BCL2A1: variants seen among roughly 807,000 people sequenced by gnomAD.
The protein encoded by BCL2A1 is BCL2 related protein A1, also known as bcl-2-related protein A1.
In BCL2A1, 10 loss-of-function variants were observed where a neutral mutation model predicts 14.4. The ratio of observed to expected loss-of-function variants is 0.69; its 90% CI spans 0.43 to 1.18. BCL2A1 has a LOEUF of 1.18. Among genes scored for constraint, BCL2A1 ranks in the 50% most tolerant of loss-of-function variants. BCL2A1 has a pLI of 0.00. For missense variants in BCL2A1, 158 were observed against 205.0 expected (o/e 0.77, Z 1.40); for synonymous variants, 71 against 76.5 (o/e 0.93, Z 0.38).
chr15:79,968,199 T>TAAGC lies in BCL2A1; in HGVS notation c.420+2500_420+2501insGCTT, dbSNP rs1350629619. 7.2e-5 allele frequency among the ~76,000 whole-genome samples: 11 copies of TAAGC among 152,344 alleles called. No individual in the cohort carries two copies. In the East Asian group the frequency reaches 2.1e-3, roughly 29 times the overall value. Reference sequence around the variant, plus strand: ...TTATTCACTGTCTGTGTGCTCCAAGTATTATGCTAAGCGTTGGAAATACAA... The same window carrying TAAGC: ...TTATTCACTGTCTGTGTGCTCCAAGTAAGCATTATGCTAAGCGTTGGAAATACAA... On this transcript the variant is annotated intron_variant, in intron 1 of 1. Coordinates refer to ENST00000267953, the MANE Select transcript of BCL2A1 (RefSeq NM_004049.4).
rs977881399 is a variant in BCL2A1, at chr15:79,970,081, A to T, written c.420+619T>A. Among the ~76,000 whole-genome samples the T allele has an allele frequency of 3.3e-5, 5 of 152,250 alleles. No homozygotes were observed. The South Asian group carries it at 1.0e-3, about 32-fold the overall frequency. ...TCTTGAATAAAGGTTCTTGCTGGTC[A>T]TACAGTATATTATGTTTTAATCAAC... On this transcript the variant is annotated intron_variant, in intron 1 of 1. Transcript: ENST00000267953.
intron 1 of BCL2A1, among the ~76,000 whole-genome samples, chr15:79,964,159 T>G (rs2035515959): frequency 6.6e-6 from 1 of 152,158 alleles, no homozygotes; most frequent in African/African-American, 2.4e-5. Flanking sequence ...CTATCAGTAA[T>G]GTAGTAGTAA....
At chr15:79,965,559 A>C (rs2035533656) in intron 1 of BCL2A1, among the ~76,000 whole-genome samples, 1 of 152,144 alleles carries the variant, frequency 6.6e-6, no homozygotes, top group Non-Finnish European at 1.5e-5. Flanking sequence ...CTAGATGCAC[A>C]GGGTATTACA....
chr15:79,966,375 C>T (rs1022749775), intron 1 of BCL2A1, among the ~76,000 whole-genome samples: 1 of 152,092 alleles, frequency 6.6e-6, no homozygotes, highest in Non-Finnish European at 1.5e-5. Flanking sequence ...AGTGTTGGTT[C>T]GTTGAATCAT....
At chr15:79,970,533 T>C (rs1437675066) in intron 1 of BCL2A1, among the ~76,000 whole-genome samples, 167 bp downstream of exon 1, 1 of 152,228 alleles carries the variant, frequency 6.6e-6, no homozygotes, top group African/African-American at 2.4e-5. Context: ...CAAGGATTCA[T>C]TGGAAATAAG....
chr15:79,966,979 A>T (rs1596126926), intron 1 of BCL2A1, among the ~76,000 whole-genome samples: 1 of 152,168 alleles, frequency 6.6e-6, no homozygotes, highest in East Asian at 1.9e-4. Context: ...ACTTGTATTG[A>T]GTACTCATTT....
At position 79,960,997 on chromosome 15, in the gene BCL2A1, G is replaced by A. The variant is rs988812667; in HGVS notation, c.*70C>T. The A allele has an allele frequency of 4.6e-5, 73 of 1,595,382 alleles. No individual in the cohort carries two copies. Among genetic ancestry groups the A allele is most frequent in the Admixed American group, 1.4e-4 (8 of 58,724 alleles). On this transcript the variant is annotated 3_prime_UTR_variant, in exon 2 of 2. Transcript: ENST00000267953. ...GTTGTTTATTTAAAAGTAGAAGTATGTGTTGGCAATCGTTTCCATATCAGT... is the reference window on the plus strand; with the variant it reads ...GTTGTTTATTTAAAAGTAGAAGTATATGTTGGCAATCGTTTCCATATCAGT...
Position 79,967,221 on chromosome 15 carries a change from C to CTTT in BCL2A1, c.420+3476_420+3478dup, listed in dbSNP as rs766307327. ...ACATCTATGCTGTGCTCACATACCG[C>CTTT]TTTTTTTTTTTTTTTTTTTTGAGAT... On this transcript the variant is annotated intron_variant, in intron 1 of 1. Transcript: ENST00000267953. Among the ~76,000 whole-genome samples, 58 of 115,020 alleles carry CTTT rather than the reference C, an allele frequency of 5.0e-4. 1 individual carries two copies. Among genetic ancestry groups the CTTT allele is most frequent in the African/African-American group, 1.2e-3 (35 of 29,244 alleles). The allele number at this position is 115,020 out of a possible 152,430, so 75.5% of individuals were successfully genotyped here.
chr15:79,970,986 T>A lies in BCL2A1; in HGVS notation c.134A>T (p.Gln45Leu), dbSNP rs1261476920. Residue 45 changes from glutamine (Q) to leucine (L), a missense_variant, in exon 1 of 2, where the codon CAA (glutamine) becomes CTA (leucine). Physicochemically the swap from Gln to Leu is moderately radical, Grantham distance 113. Coordinates refer to ENST00000267953, the MANE Select transcript of BCL2A1 (RefSeq NM_004049.4). ...RVLQNVAFSV[Q>L]KEVEKNLKSC... is the part of the protein sequence containing the mutation. The stretch of plus-strand genomic sequence containing the variant: ...CTTCAGATTCTTTTCCACTTCTTTT[T>A]GGACTGAGAACGCAACATTTTGTAG... 2 of 1,614,276 alleles carry A rather than the reference T, an allele frequency of 1.2e-6. No homozygotes were observed. The highest frequency in any genetic ancestry group is 1.7e-6 in the Non-Finnish European group (2 of 1,180,048).
At chr15:79,969,761 A>G (rs2035577341) in intron 1 of BCL2A1, among the ~76,000 whole-genome samples, 1 of 152,336 alleles carries the variant, frequency 6.6e-6, no homozygotes, top group South Asian at 2.1e-4. Flanking sequence ...TTTACAAAAA[A>G]TGTTTTACAA....
rs1219154917 is a variant in BCL2A1 at position 79,960,989 on chromosome 15, A to G, written c.*78T>C. On this transcript the variant is annotated 3_prime_UTR_variant, in exon 2 of 2. Coordinates refer to ENST00000267953, the MANE Select transcript of BCL2A1 (RefSeq NM_004049.4). ...TCATCAAAGTTGTTTATTTAAAAGT[A>G]GAAGTATGTGTTGGCAATCGTTTCC... 1.3e-6 allele frequency: 2 copies of G among 1,587,934 alleles called. No individual in the cohort carries two copies. Among genetic ancestry groups the G allele is most frequent in the Non-Finnish European group, 1.7e-6 (2 of 1,161,124 alleles).
At chr15:79,967,112 G>A (rs765091961) in intron 1 of BCL2A1, among the ~76,000 whole-genome samples, 11 of 151,994 alleles carry the variant, frequency 7.2e-5, no homozygotes, top group Non-Finnish European at 1.5e-4. Context: ...GGGAAGTTAA[G>A]CAACTTGTAC....
intron 1 of BCL2A1, among the ~76,000 whole-genome samples, chr15:79,963,728 C>A (rs2035512104): frequency 6.6e-6 from 1 of 152,086 alleles, no homozygotes; most frequent in African/African-American, 2.4e-5. Context: ...ATGAGGCAGT[C>A]TTCTAAAATA....
At chr15:79,962,241 C>T (rs927676962) in intron 1 of BCL2A1, among the ~76,000 whole-genome samples, 3 of 152,188 alleles carry the variant, frequency 2.0e-5, no homozygotes, top group Admixed American at 1.3e-4. Context: ...CTCTGCGGTG[C>T]CTTGGAATCA....
intron 1 of BCL2A1, among the ~76,000 whole-genome samples, chr15:79,963,816 A>G (rs2035513035): frequency 6.6e-6 from 1 of 152,228 alleles, no homozygotes; most frequent in African/African-American, 2.4e-5. Flanking sequence ...GAAAACTCGA[A>G]AAAACCAAAT....
chr15:79,970,694 A>G lies in BCL2A1; in HGVS notation c.420+6T>C. Reference sequence around the variant, plus strand: ...GAACAATGAAGAATTTTTCCATCACACATACCCAGCCTCCGTTTTGCCTTA... The same window carrying G: ...GAACAATGAAGAATTTTTCCATCACGCATACCCAGCCTCCGTTTTGCCTTA... On this transcript the variant is annotated splice_donor_region_variant and intron_variant, in intron 1 of 1. Coordinates refer to ENST00000267953, the MANE Select transcript of BCL2A1 (RefSeq NM_004049.4). 1 of 1,591,228 alleles carries G rather than the reference A, an allele frequency of 6.3e-7. No homozygotes were observed. Among genetic ancestry groups the G allele is most frequent in the African/African-American group, 1.3e-5 (1 of 74,240 alleles).
chr15:79,967,646 T>C (rs201240473), intron 1 of BCL2A1: 3 of 1,597,122 alleles, frequency 1.9e-6, no homozygotes, highest in Admixed American at 1.7e-5. Flanking sequence ...CCTCTTCTTG[T>C]GGGCCACTGA....
At chr15:79,967,930 TAAAA>T (rs397977008) in intron 1 of BCL2A1, among the ~76,000 whole-genome samples, 1,704 of 144,280 alleles carry the variant, frequency 0.012, 8 homozygotes, top group Middle Eastern at 0.035. Flanking sequence ...GTGTTTTTTT[TAAAA>T]AAAAAAAAGA....
intron 1 of BCL2A1, among the ~76,000 whole-genome samples, chr15:79,969,095 CA>C (rs1434313377): frequency 6.6e-6 from 1 of 150,710 alleles, no homozygotes; most frequent in Non-Finnish European, 1.5e-5. Flanking sequence ...AAAAGATGCT[CA>C]AAATGTAAAA....
Sources: gnomAD v4.1 joint callset for allele counts (sites outside exome capture counted in the v4.1 genomes callset) on GRCh38, gnomAD v4.1.1 for gene constraint, MANE v1.5 for transcripts, NCBI Gene and HGNC (gene_info 2026-07-23, HGNC 2026-07-21) for gene names.